Variants in ZFHX3 observed in about 807,000 individuals in gnomAD.
The protein encoded by ZFHX3 is zinc finger homeobox 3.
A neutral mutation model predicts 279.1 loss-of-function variants in ZFHX3; 42 were observed. That is an observed-to-expected ratio of 0.15 (90% CI 0.12 to 0.19). The LOEUF is 0.19. Ranked by LOEUF, ZFHX3 falls within the 10% of genes least tolerant of loss-of-function variation. ZFHX3 has a pLI of 1.00. For synonymous variants in ZFHX3, 2,293 were observed against 1,957.8 expected, an observed-to-expected ratio of 1.17 and a Z score of -4.52; for missense variants, 4,981 against 4,754.0, an observed-to-expected ratio of 1.05 and a Z score of -1.40.
intron 1 of ZFHX3, among the ~76,000 whole-genome samples, chr16:73,781,321 T>C (rs1017314654): frequency 6.6e-6 from 1 of 152,200 alleles, no homozygotes; most frequent in African/African-American, 2.4e-5. Flanking sequence ...ATTAAGCAGC[T>C]CGATTATAAG....
chr16:73,123,206 T>TAA lies in ZFHX3; in HGVS notation c.-897+7760_-897+7761dup, dbSNP rs34803776. The stretch of plus-strand genomic sequence containing the variant: ...GAAAGGAGTGTCCCATGTGGTAGAT[T>TAA]AAAAAAAAAAAAAATGGCTACAGTA... On this transcript the variant is annotated intron_variant, in intron 7 of 17. Transcript: ENST00000641206. The TAA allele has an allele frequency of 7.0e-3, 955 of 135,858 alleles. 17 individuals carry two copies. Among genetic ancestry groups the TAA allele is most frequent in the African/African-American group, 0.024 (850 of 35,996 alleles). The allele number at this position is 135,858 out of a possible 1,614,324, so 8.4% of individuals were successfully genotyped here.
rs1433699275 is a variant in ZFHX3 at position 72,961,630 on chromosome 16, T to TC, written c.-49-1437_-49-1436insG. Among the ~76,000 whole-genome samples, 3 of 55,638 alleles carry TC rather than the reference T, an allele frequency of 5.4e-5. No homozygotes were observed. In the East Asian group the frequency reaches 1.2e-3, roughly 22 times the overall value. The allele number at this position is 55,638 out of a possible 152,430, so 36.5% of individuals were successfully genotyped here. A position where few individuals can be genotyped will look rare whatever the true frequency, so the allele number is the denominator to read the frequency against. ...CCTGACAGCCCCTATCTTCTCAATC[T>TC]TTTTTTTTTTTCATTTCTTGATTAT... is the stretch of plus-strand genomic sequence containing the variant. On this transcript the variant is annotated intron_variant, in intron 1 of 9. Coordinates refer to ENST00000268489, the MANE Select transcript of ZFHX3 (RefSeq NM_006885.4).
At chr16:73,444,450 T>G (rs1319901235) in intron 3 of ZFHX3, among the ~76,000 whole-genome samples, 1 of 152,232 alleles carries the variant, frequency 6.6e-6, no homozygotes, top group African/African-American at 2.4e-5. Context: ...TTTTTTTCCC[T>G]TAGATTTAAT....
At chr16:73,672,139 T>C (rs148586575) in intron 2 of ZFHX3, among the ~76,000 whole-genome samples, 3 of 152,240 alleles carry the variant, frequency 2.0e-5, no homozygotes, top group Admixed American at 6.5e-5. Flanking sequence ...CAGATTCAGA[T>C]AGCAGATCAA....
intron 2 of ZFHX3, among the ~76,000 whole-genome samples, chr16:73,607,769 A>C (rs781354792): frequency 9.9e-5 from 15 of 152,236 alleles, no homozygotes; most frequent in Non-Finnish European, 2.1e-4. Flanking sequence ...CACTCTCACA[A>C]GAAGAATGGG....
At chr16:72,823,288 G>T (rs1452470239) in intron 5 of ZFHX3, among the ~76,000 whole-genome samples, 1 of 152,218 alleles carries the variant, frequency 6.6e-6, no homozygotes, top group African/African-American at 2.4e-5. Flanking sequence ...TTACTTTTGG[G>T]TGAGGTGGAG....
At chr16:72,829,009 T>C (rs114217267) in intron 5 of ZFHX3, among the ~76,000 whole-genome samples, 17,767 of 150,436 alleles carry the variant, frequency 0.12, 1,224 homozygotes, top group East Asian at 0.31. Flanking sequence ...TTTTTTTTTT[T>C]CCCCGAGATA....
At chr16:73,605,105 G>C (rs1234409192) in intron 2 of ZFHX3, among the ~76,000 whole-genome samples, 1 of 152,144 alleles carries the variant, frequency 6.6e-6, no homozygotes, top group Non-Finnish European at 1.5e-5. Context: ...ACTAAAAAAG[G>C]AATGATTTAG....
chr16:73,219,994 G>C (rs2012355801), intron 5 of ZFHX3, among the ~76,000 whole-genome samples: 1 of 152,118 alleles, frequency 6.6e-6, no homozygotes, highest in Admixed American at 6.5e-5. Context: ...CCTGAGTCAG[G>C]AGAATTGCTT....
At chr16:73,329,774 C>T (rs1204428213) in intron 3 of ZFHX3, among the ~76,000 whole-genome samples, 2 of 152,272 alleles carry the variant, frequency 1.3e-5, no homozygotes, top group South Asian at 2.1e-4. Flanking sequence ...GGAACAAAGG[C>T]CTTCCCGGCC....
At position 72,793,978 on chromosome 16, in the gene ZFHX3, A is replaced by G. The variant is rs534945620; in HGVS notation, c.8704T>C (p.Tyr2902His). 5.0e-5 allele frequency: 81 copies of G among 1,614,104 alleles called. No individual in the cohort carries two copies. Among genetic ancestry groups the G allele is most frequent in the Non-Finnish European group, 6.6e-5 (78 of 1,180,050 alleles). ...SGLVSPAPSF[Y>H]SKEYDNEGTV... ...CCTTCATTGTCATATTCCTTGCTAT[A>G]AAAGCTCGGGGCCGGGCTGACCAGA... The change falls in exon 9 of 10, where the codon TAT becomes CAT. Residue 2902 changes from tyrosine (Y) to histidine (H), a missense_variant. Transcript: ENST00000268489. This position sits in a 1 kb window ranked among gnomAD's most constrained non-coding sequence, Gnocchi z 4.3.
rs956112722 is a variant in ZFHX3 at position 73,272,758 on chromosome 16, G to A, written c.-1193-15622C>T. 2.6e-5 allele frequency among the ~76,000 whole-genome samples: 4 copies of A among 152,068 alleles called. No individual in the cohort carries two copies. The East Asian group carries it at 7.7e-4, about 29-fold the overall frequency. On this transcript the variant is annotated intron_variant, in intron 4 of 17. Transcript: ENST00000641206. ...TTAAGGGTATCTTTAATGCAATGTT[G>A]TTTTTTGAGACAGAGTGTTACTCTG...
intron 2 of ZFHX3, among the ~76,000 whole-genome samples, chr16:73,458,885 C>T (rs1251206594): frequency 3.9e-5 from 6 of 152,144 alleles, no homozygotes; most frequent in African/African-American, 1.4e-4. Flanking sequence ...CTGAAACCTC[C>T]GTACGATGAC....
At chr16:73,692,360 C>G (rs1276977130) in intron 1 of ZFHX3, among the ~76,000 whole-genome samples, 3 of 152,090 alleles carry the variant, frequency 2.0e-5, no homozygotes, top group Admixed American at 6.6e-5. Context: ...AAGGACCAGG[C>G]CAGGAGGTGT....
chr16:73,870,656 G>A lies in ZFHX3; in HGVS notation c.-1608+20995C>T, dbSNP rs571848753. On this transcript the variant is annotated intron_variant, in intron 1 of 17. Transcript: ENST00000641206. ...TCTGTGCTCAAAAAGTCACTCAGAG[G>A]AAAGTGCATTCTGAGTTCTATTCCC... Among the ~76,000 whole-genome samples the A allele has an allele frequency of 4.6e-5, 7 of 152,292 alleles. No individual in the cohort carries two copies. In the South Asian group the frequency reaches 1.5e-3, roughly 32 times the overall value.
chr16:73,890,816 T>C (rs184705945), intron 1 of ZFHX3, among the ~76,000 whole-genome samples: 117 of 152,092 alleles, frequency 7.7e-4, no homozygotes, highest in African/African-American at 2.7e-3. Flanking sequence ...CACTGACCAC[T>C]TAAAATTCAA....
At chr16:73,361,577 T>C (rs1435670350) in intron 3 of ZFHX3, among the ~76,000 whole-genome samples, 5 of 152,184 alleles carry the variant, frequency 3.3e-5, no homozygotes, top group Admixed American at 6.5e-5. Flanking sequence ...TTACACAAAA[T>C]GTATAGGAAT....
chr16:72,933,957 T>C (rs537292293), intron 3 of ZFHX3, among the ~76,000 whole-genome samples: 57 of 152,068 alleles, frequency 3.7e-4, no homozygotes, highest in African/African-American at 1.4e-3. Flanking sequence ...TAGCTGGGAC[T>C]GCAGGTGCCC....
At chr16:73,175,036 C>CCAAA (rs1302057025) in intron 5 of ZFHX3, among the ~76,000 whole-genome samples, 1 of 150,590 alleles carries the variant, frequency 6.6e-6, no homozygotes, top group Non-Finnish European at 1.5e-5. Flanking sequence ...TCAAAACCAA[C>CCAAA]CAACCAACCA....
Sources: gnomAD v4.1 joint callset for allele counts (sites outside exome capture counted in the v4.1 genomes callset) on GRCh38, gnomAD v4.1.1 for gene constraint, Gnocchi (gnomAD v3.1) non-coding constraint, MANE v1.5 for transcripts, NCBI Gene and HGNC (gene_info 2026-07-23, HGNC 2026-07-21) for gene names.